The following PRKG1 variants were observed in gnomAD, a reference collection of about 807,000 sequenced individuals.
PRKG1 encodes the protein protein kinase cGMP-dependent 1, also known as cGMP-dependent protein kinase 1.
Under a neutral mutation model 88.1 loss-of-function variants are expected in PRKG1, and 35 were observed. That is an observed-to-expected ratio of 0.40 (90% CI 0.30 to 0.53). The LOEUF (loss-of-function observed/expected upper bound fraction) is 0.53. PRKG1 is among the 20% of genes least tolerant of loss of function. The probability of loss-of-function intolerance (pLI) is 0.59; values close to 1 mark genes in which losing one functional copy is unlikely to be tolerated. For missense variants in PRKG1, 540 were observed against 839.8 expected, an observed-to-expected ratio of 0.64 and a Z score of 4.41; for synonymous variants, 303 against 292.5, an observed-to-expected ratio of 1.04 and a Z score of -0.37.
At chr10:51,994,045 A>T (rs1245961149) in intron 5 of PRKG1, among the ~76,000 whole-genome samples, 1 of 152,158 alleles carries the variant, frequency 6.6e-6, no homozygotes, top group Non-Finnish European at 1.5e-5. Flanking sequence ...CCAGGAGACC[A>T]CATACTTCCT....
intron 4 of PRKG1, among the ~76,000 whole-genome samples, chr10:51,837,571 T>C (rs1840163087): frequency 6.6e-6 from 1 of 152,098 alleles, no homozygotes; most frequent in South Asian, 2.1e-4. Flanking sequence ...CTTTATTCCC[T>C]CTCCATTGGG....
At chr10:51,759,767 T>G (rs761596478) in intron 3 of PRKG1, among the ~76,000 whole-genome samples, 1 of 151,912 alleles carries the variant, frequency 6.6e-6, no homozygotes, top group Non-Finnish European at 1.5e-5. Flanking sequence ...GGTGTGTGCA[T>G]GTGTGTATGT....
At chr10:51,255,768 A>C (rs774581079) in intron 2 of PRKG1, among the ~76,000 whole-genome samples, 66 of 152,128 alleles carry the variant, frequency 4.3e-4, no homozygotes, top group Non-Finnish European at 5.7e-4. Context: ...TGATTTATAT[A>C]AAGAGATCCT....
chr10:52,154,712 C>T (rs1442215773), intron 8 of PRKG1, among the ~76,000 whole-genome samples: 2 of 151,948 alleles, frequency 1.3e-5, no homozygotes, highest in Admixed American at 6.6e-5. Context: ...AGTTCTTTAG[C>T]GGTGATTTCT....
chr10:51,288,649 A>T (rs1169317563), intron 2 of PRKG1, among the ~76,000 whole-genome samples: 1 of 152,330 alleles, frequency 6.6e-6, no homozygotes, highest in East Asian at 1.9e-4. Flanking sequence ...TGACCACAAA[A>T]TATTTAACTG....
chr10:51,017,473 A>G (rs1256674591), intron 1 of PRKG1, among the ~76,000 whole-genome samples: 1 of 152,202 alleles, frequency 6.6e-6, no homozygotes, highest in African/African-American at 2.4e-5. Context: ...TGAAAATAAG[A>G]TAATGTATGT....
rs560036417 is a variant in PRKG1 at position 52,058,726 on chromosome 10, G to C, written c.841-3811G>C. ...AAGCTATAAAACTTTCAAGAGAAAT[G>C]TATGACTTGCGATTAGATAGGAAGA... On this transcript the variant is annotated intron_variant, in intron 6 of 17. Coordinates refer to ENST00000373980, the MANE Select transcript of PRKG1 (RefSeq NM_006258.4). Among the ~76,000 whole-genome samples, 36 of 152,020 alleles carry C rather than the reference G, an allele frequency of 2.4e-4. No homozygotes were observed. The South Asian group carries it at 7.3e-3, about 31-fold the overall frequency.
intron 2 of PRKG1, among the ~76,000 whole-genome samples, chr10:51,356,899 T>A (rs1317003021): frequency 5.3e-5 from 8 of 152,028 alleles, no homozygotes; most frequent in Non-Finnish European, 1.2e-4. Context: ...GGCACATCTA[T>A]CCTCTCTATT....
intron 2 of PRKG1, among the ~76,000 whole-genome samples, chr10:51,272,326 G>A (rs1051465949): frequency 1.3e-5 from 2 of 151,890 alleles, no homozygotes; most frequent in South Asian, 2.1e-4. Flanking sequence ...GTGGACACAG[G>A]GAGGGGAACA....
intron 3 of PRKG1, among the ~76,000 whole-genome samples, chr10:51,757,227 G>A (rs1837891947): frequency 6.6e-6 from 1 of 152,014 alleles, no homozygotes; most frequent in East Asian, 1.9e-4. Flanking sequence ...TCAACTTCCT[G>A]AGTAGCTGGG....
intron 3 of PRKG1, among the ~76,000 whole-genome samples, chr10:51,504,321 T>C (rs1400427840): frequency 6.6e-6 from 1 of 152,158 alleles, no homozygotes; most frequent in African/African-American, 2.4e-5. Context: ...TTCTGTTCCA[T>C]TGGTATATAT....
intron 2 of PRKG1, among the ~76,000 whole-genome samples, chr10:51,179,548 G>C (rs985864783): frequency 6.6e-6 from 1 of 152,142 alleles, no homozygotes; most frequent in African/African-American, 2.4e-5. Context: ...CCTGAAACCC[G>C]CAGAACCACT....
intron 3 of PRKG1, among the ~76,000 whole-genome samples, chr10:51,661,781 T>C (rs1243456369): frequency 6.6e-6 from 1 of 152,188 alleles, no homozygotes; most frequent in African/African-American, 2.4e-5. Flanking sequence ...CATGCACACA[T>C]ATGTTTATTG....
chr10:51,832,049 A>G (rs572611381), intron 4 of PRKG1, among the ~76,000 whole-genome samples: 44 of 152,300 alleles, frequency 2.9e-4, no homozygotes, highest in African/African-American at 9.4e-4. Context: ...TAATTTCTGT[A>G]AGACAGGTGA....
At chr10:51,612,417 T>C (rs1838934687) in intron 3 of PRKG1, among the ~76,000 whole-genome samples, 1 of 152,080 alleles carries the variant, frequency 6.6e-6, no homozygotes, top group Non-Finnish European at 1.5e-5. Flanking sequence ...CCCTCTTGAT[T>C]TCTTTTTCAG....
chr10:51,311,319 C>A (rs1841180892), intron 2 of PRKG1, among the ~76,000 whole-genome samples: 1 of 152,188 alleles, frequency 6.6e-6, no homozygotes, highest in African/African-American at 2.4e-5. Context: ...TAATTTGTCT[C>A]ATATCCATCT....
chr10:51,141,722 G>A (rs1334925556), intron 1 of PRKG1, among the ~76,000 whole-genome samples: 1 of 152,012 alleles, frequency 6.6e-6, no homozygotes, highest in Non-Finnish European at 1.5e-5. Context: ...TACCCCCTCT[G>A]TCTCATGCCG....
At chr10:51,473,740 A>G (rs566867267) in intron 3 of PRKG1, among the ~76,000 whole-genome samples, 26 of 148,550 alleles carry the variant, frequency 1.8e-4, no homozygotes, top group East Asian at 5.8e-4. Context: ...TCTAAACAAT[A>G]GGCAAGAAAC....
At chr10:52,001,042 A>G (rs148486734) in intron 5 of PRKG1, among the ~76,000 whole-genome samples, 2 of 151,902 alleles carry the variant, frequency 1.3e-5, no homozygotes, top group East Asian at 3.9e-4. Flanking sequence ...TCTACTCTCT[A>G]TTACGGTGGG....
Sources: allele counts gnomAD v4.1 joint callset (sites outside exome capture counted in the v4.1 genomes callset), GRCh38; gene constraint gnomAD v4.1.1; transcripts MANE v1.5; gene names NCBI Gene and HGNC (gene_info 2026-07-23, HGNC 2026-07-21).